The following DAB1 variants were observed in gnomAD, a reference collection of about 807,000 sequenced individuals.
DAB1 encodes disabled homolog 1.
A neutral mutation model predicts 64.6 loss-of-function variants in DAB1; 15 were observed. The observed-to-expected ratio is 0.23, with a 90% CI of 0.16 to 0.36. The LOEUF (loss-of-function observed/expected upper bound fraction) is 0.36, where lower values mean the gene tolerates loss of function less well. Ranked by LOEUF, DAB1 falls within the 10% of genes least tolerant of loss-of-function variation. The pLI is 1.00. For synonymous variants in DAB1, 235 were observed against 251.9 expected, an observed-to-expected ratio of 0.93 and a Z score of 0.64; for missense variants, 596 against 706.7, an observed-to-expected ratio of 0.84 and a Z score of 1.78.
intron 4 of DAB1, among the ~76,000 whole-genome samples, chr1:57,083,649 T>G (rs565892889): frequency 6.6e-6 from 1 of 152,250 alleles, no homozygotes; most frequent in South Asian, 2.1e-4. Context: ...TACAAAAAAG[T>G]GAATTGACTA....
At chr1:57,273,155 G>A (rs1671150057) in intron 2 of DAB1, among the ~76,000 whole-genome samples, 1 of 152,194 alleles carries the variant, frequency 6.6e-6, no homozygotes, top group South Asian at 2.1e-4. Context: ...TCCACCAGAT[G>A]GTAGTGAATT....
chr1:57,222,774 G>T (rs960710819), intron 2 of DAB1, among the ~76,000 whole-genome samples: 5 of 152,178 alleles, frequency 3.3e-5, no homozygotes, highest in African/African-American at 4.8e-5. Context: ...TGTGCATGTT[G>T]GTTGTAACTC....
intron 3 of DAB1, among the ~76,000 whole-genome samples, chr1:58,416,174 G>T (rs945969830): frequency 2.0e-5 from 3 of 152,132 alleles, no homozygotes; most frequent in Non-Finnish European, 4.4e-5. Flanking sequence ...GCATACTCAT[G>T]TCAGAGCCTC....
chr1:57,690,964 G>A (rs958240720), intron 6 of DAB1, among the ~76,000 whole-genome samples: 5 of 152,132 alleles, frequency 3.3e-5, no homozygotes, highest in African/African-American at 1.2e-4. Context: ...GTCTATTTAA[G>A]TCTTTTGCCC....
chr1:58,052,227 G>C (rs2100530577), intron 5 of DAB1, among the ~76,000 whole-genome samples: 1 of 152,210 alleles, frequency 6.6e-6, no homozygotes, highest in South Asian at 2.1e-4. Flanking sequence ...TTGTATAAGA[G>C]GTAAGGAAGG....
At chr1:57,992,263 G>A (rs1646355081) in intron 5 of DAB1, among the ~76,000 whole-genome samples, 1 of 152,162 alleles carries the variant, frequency 6.6e-6, no homozygotes, top group Non-Finnish European at 1.5e-5. Context: ...GGTAGGATAG[G>A]GCTTCAAGGG....
chr1:57,561,187 T>A (rs148086713), intron 7 of DAB1, among the ~76,000 whole-genome samples: 2 of 152,172 alleles, frequency 1.3e-5, no homozygotes, highest in African/African-American at 4.8e-5. Flanking sequence ...CTATAATCAG[T>A]TGACAGAGGA....
chr1:57,014,669 AG>A (rs373925408), intron 12 of DAB1, among the ~76,000 whole-genome samples: 3 of 152,216 alleles, frequency 2.0e-5, no homozygotes, highest in African/African-American at 7.2e-5. Flanking sequence ...CATTATTATA[AG>A]TCTAAAAATA....
chr1:58,048,734 C>T lies in DAB1; in HGVS notation n.387+101777G>A, dbSNP rs1570276817. 66 of 1,313,172 alleles carry T rather than the reference C, an allele frequency of 5.0e-5. No individual in the cohort carries two copies. In the South Asian group the frequency reaches 7.4e-4, roughly 15 times the overall value. The allele number at this position is 1,313,172 out of a possible 1,614,324, so 81.3% of individuals were successfully genotyped here. A position where few individuals can be genotyped will look rare whatever the true frequency, so the allele number is the denominator to read the frequency against. ...CCTCTTTGGCTGGATGAAACACTAG[C>T]CATCTCTTGCTTTGACAGGGCTTTC... On this transcript the variant is annotated intron_variant and non_coding_transcript_variant, in intron 5 of 20. Coordinates refer to the DAB1 transcript ENST00000485760.
intron 7 of DAB1, among the ~76,000 whole-genome samples, chr1:57,431,906 G>A (rs541607393): frequency 6.6e-6 from 1 of 152,216 alleles, no homozygotes; most frequent in South Asian, 2.1e-4. Context: ...GGCAGATCAC[G>A]AGGTCAGGAG....
chr1:58,319,537 T>G (rs1662636512), intron 4 of DAB1, among the ~76,000 whole-genome samples: 1 of 152,180 alleles, frequency 6.6e-6, no homozygotes, highest in Non-Finnish European at 1.5e-5. Context: ...TCTGAACAAT[T>G]CCTTTATTCT....
chr1:57,193,364 A>G (rs1337592281), intron 2 of DAB1, among the ~76,000 whole-genome samples: 1 of 138,314 alleles, frequency 7.2e-6, no homozygotes, highest in East Asian at 2.1e-4. Context: ...TGCCTTCCAG[A>G]TTCATCCGTA....
At chr1:58,136,117 A>G (rs1453730783) in intron 5 of DAB1, among the ~76,000 whole-genome samples, 1 of 152,230 alleles carries the variant, frequency 6.6e-6, no homozygotes, top group Non-Finnish European at 1.5e-5. Context: ...AAAACATAGC[A>G]GTGCCCAAGA....
At chr1:58,395,906 G>T (rs1156624379) in intron 3 of DAB1, among the ~76,000 whole-genome samples, 1 of 152,162 alleles carries the variant, frequency 6.6e-6, no homozygotes, top group African/African-American at 2.4e-5. Flanking sequence ...AAGAAAACCA[G>T]CTGCCTTGCC....
intron 2 of DAB1, among the ~76,000 whole-genome samples, chr1:57,267,669 G>A (rs1670690175): frequency 6.6e-6 from 1 of 152,092 alleles, no homozygotes; most frequent in Non-Finnish European, 1.5e-5. Flanking sequence ...TTTTGTTTTT[G>A]TTTTTTGACA....
At chr1:57,749,672 T>A (rs1648462156) in intron 6 of DAB1, among the ~76,000 whole-genome samples, 1 of 152,024 alleles carries the variant, frequency 6.6e-6, no homozygotes, top group Non-Finnish European at 1.5e-5. Flanking sequence ...ATGATCCCCA[T>A]TCTATGTACT....
intron 6 of DAB1, among the ~76,000 whole-genome samples, chr1:57,703,052 GA>G (rs148938565): frequency 0.041 from 6,249 of 152,074 alleles, 311 homozygotes; most frequent in African/African-American, 0.12. Context: ...GGTAGATTAA[GA>G]ACTTAAATTT....
chr1:58,033,952 G>A (rs1647007373), intron 5 of DAB1, among the ~76,000 whole-genome samples: 1 of 152,146 alleles, frequency 6.6e-6, no homozygotes, highest in African/African-American at 2.4e-5. Flanking sequence ...CTTGCTGAAA[G>A]GAGTGGCGAG....
At chr1:58,534,007 A>G (rs1201817945) in intron 1 of DAB1, 3 of 871,742 alleles carry the variant, frequency 3.4e-6, no homozygotes, top group Non-Finnish European at 6.0e-6. Flanking sequence ...AAGAAAGTTG[A>G]TGAATATCGG....
Sources: allele counts gnomAD v4.1 joint callset (sites outside exome capture counted in the v4.1 genomes callset), GRCh38; gene constraint gnomAD v4.1.1; transcripts MANE v1.5; gene names NCBI Gene and HGNC (gene_info 2026-07-23, HGNC 2026-07-21).